STX8: variants seen among roughly 807,000 people sequenced by gnomAD.
The protein encoded by STX8 is syntaxin 8.
In STX8, 23 loss-of-function variants were observed where a neutral mutation model predicts 37.5. That is an observed-to-expected ratio of 0.61 (90% CI 0.44 to 0.87). STX8 has a LOEUF of 0.87. Ranked by LOEUF, STX8 falls within the 40% of genes least tolerant of loss-of-function variation. The pLI, the probability that STX8 is intolerant of heterozygous loss-of-function variation, is 0.00. For synonymous variants in STX8, 115 were observed against 99.1 expected, an observed-to-expected ratio of 1.16 and a Z score of -0.95; for missense variants, 313 against 284.7, an observed-to-expected ratio of 1.10 and a Z score of -0.71.
Position 9,352,693 on chromosome 17 carries a change from G to T in STX8, c.643+25859C>A, listed in dbSNP as rs187710161. On this transcript the variant is annotated intron_variant, in intron 7 of 7. Coordinates refer to ENST00000306357, the MANE Select transcript of STX8 (RefSeq NM_004853.3). ...TTTTTTGTATTTTTTTAGTAGAGAC[G>T]GGGTTTCACCGTGTTAGCCAGGATG... Among the ~76,000 whole-genome samples the T allele has an allele frequency of 5.0e-3, 754 of 151,016 alleles. 2 individuals are homozygous for T. Among genetic ancestry groups the T allele is most frequent in the African/African-American group, 0.017 (717 of 41,160 alleles).
chr17:9,312,838 GATA>G (rs1407171677), intron 7 of STX8, among the ~76,000 whole-genome samples: 2 of 152,106 alleles, frequency 1.3e-5, no homozygotes, highest in African/African-American at 4.8e-5. Flanking sequence ...TAGAGTGTTG[GATA>G]GATCGTCAAG....
intron 6 of STX8, among the ~76,000 whole-genome samples, chr17:9,463,009 CT>C (rs1414498214): frequency 6.6e-6 from 1 of 152,156 alleles, no homozygotes. Context: ...TTCATCCACC[CT>C]GGCAGGAAAG....
intron 7 of STX8, among the ~76,000 whole-genome samples, chr17:9,362,585 G>A (rs969354648): frequency 3.9e-5 from 6 of 152,036 alleles, no homozygotes; most frequent in Admixed American, 1.3e-4. Flanking sequence ...TTGGGAGGCC[G>A]AGGTGGGCGT....
At chr17:9,441,427 T>C (rs950470789) in intron 6 of STX8, among the ~76,000 whole-genome samples, 5 of 143,352 alleles carry the variant, frequency 3.5e-5, no homozygotes, top group African/African-American at 1.3e-4. Context: ...GAGGCAGAGG[T>C]GGCAGTGAGC....
At chr17:9,276,064 G>A (rs1353574536) in intron 7 of STX8, among the ~76,000 whole-genome samples, 4 of 150,142 alleles carry the variant, frequency 2.7e-5, no homozygotes, top group Non-Finnish European at 4.4e-5. Context: ...AGCTCTGGCT[G>A]AGGTGTGAGT....
intron 7 of STX8, among the ~76,000 whole-genome samples, chr17:9,355,721 G>C (rs1039650787): frequency 3.3e-5 from 5 of 151,936 alleles, no homozygotes; most frequent in African/African-American, 1.2e-4. Flanking sequence ...TGTTGGTCAG[G>C]CTGGTCTCGA....
intron 6 of STX8, among the ~76,000 whole-genome samples, chr17:9,401,257 C>A (rs1048539678): frequency 6.6e-6 from 1 of 152,152 alleles, no homozygotes; most frequent in Non-Finnish European, 1.5e-5. Context: ...TGTATCTCAA[C>A]AAAACAGACT....
intron 7 of STX8, among the ~76,000 whole-genome samples, chr17:9,335,957 T>C (rs1013394378): frequency 6.6e-6 from 1 of 152,214 alleles, no homozygotes; most frequent in African/African-American, 2.4e-5. Flanking sequence ...ATTGATTTCT[T>C]GAGACAAAAC....
intron 4 of STX8, among the ~76,000 whole-genome samples, chr17:9,539,538 T>C (rs1906193405): frequency 1.3e-5 from 2 of 152,204 alleles, no homozygotes; most frequent in African/African-American, 2.4e-5. Context: ...AAATGTGCCA[T>C]AGTGAGCACG....
At chr17:9,496,461 T>G (rs751621863) in intron 5 of STX8, among the ~76,000 whole-genome samples, 1 of 152,236 alleles carries the variant, frequency 6.6e-6, no homozygotes. Flanking sequence ...CAAGTCATGA[T>G]GATATCACAA....
At chr17:9,260,496 C>CAT (rs1906972909) in intron 7 of STX8, among the ~76,000 whole-genome samples, 1 of 151,944 alleles carries the variant, frequency 6.6e-6, no homozygotes, top group Non-Finnish European at 1.5e-5. Flanking sequence ...TGGTGGTGCA[C>CAT]GCCTGTAATC....
At chr17:9,400,252 G>A (rs1367034476) in intron 6 of STX8, among the ~76,000 whole-genome samples, 73 of 149,348 alleles carry the variant, frequency 4.9e-4, no homozygotes, top group Non-Finnish European at 3.3e-4. Context: ...ACAGGCGCCC[G>A]CCACCACGCT....
intron 6 of STX8, among the ~76,000 whole-genome samples, chr17:9,431,450 T>C (rs372475946): frequency 7.0e-6 from 1 of 143,192 alleles, no homozygotes; most frequent in Non-Finnish European, 1.5e-5. Context: ...TTGTTGTTGT[T>C]TTGTTTTTTT....
At chr17:9,550,301 A>G (rs1420052039) in intron 3 of STX8, among the ~76,000 whole-genome samples, 2 of 152,128 alleles carry the variant, frequency 1.3e-5, no homozygotes, top group East Asian at 3.8e-4. Flanking sequence ...CCTGGTGAAT[A>G]GCCAAGGAAG....
intron 6 of STX8, among the ~76,000 whole-genome samples, chr17:9,482,615 TTC>T (rs1298938068): frequency 1.3e-5 from 2 of 152,154 alleles, no homozygotes; most frequent in African/African-American, 4.8e-5. Flanking sequence ...CAACGAAAAC[TTC>T]TTTCTGTAAA....
At chr17:9,468,868 T>C (rs943251516) in intron 6 of STX8, among the ~76,000 whole-genome samples, 2 of 152,168 alleles carry the variant, frequency 1.3e-5, no homozygotes, top group Non-Finnish European at 2.9e-5. Context: ...AGCCGCTCCC[T>C]CTGCTAATCC....
chr17:9,479,527 T>C (rs1408382461), intron 6 of STX8, among the ~76,000 whole-genome samples: 1 of 149,646 alleles, frequency 6.7e-6, no homozygotes, highest in Non-Finnish European at 1.5e-5. Flanking sequence ...ATGTTATAGA[T>C]AAAGTATGCA....
At chr17:9,342,342 G>A (rs1033553010) in intron 7 of STX8, among the ~76,000 whole-genome samples, 5 of 152,162 alleles carry the variant, frequency 3.3e-5, no homozygotes, top group African/African-American at 1.2e-4. Flanking sequence ...CCAGGTTGGA[G>A]CTCTCCAAGG....
chr17:9,279,093 C>T (rs1244557814), intron 7 of STX8, among the ~76,000 whole-genome samples: 3 of 148,014 alleles, frequency 2.0e-5, no homozygotes, highest in African/African-American at 5.0e-5. Flanking sequence ...GATGGGGTTT[C>T]ACTCTTGTTG....
Sources: gnomAD v4.1 joint callset for allele counts (sites outside exome capture counted in the v4.1 genomes callset) on GRCh38, gnomAD v4.1.1 for gene constraint, MANE v1.5 for transcripts, NCBI Gene and HGNC (gene_info 2026-07-23, HGNC 2026-07-21) for gene names.